Variants in CRACR2A observed in about 807,000 individuals in gnomAD.
The protein encoded by CRACR2A is calcium release activated channel regulator 2A, also known as EF-hand calcium-binding domain-containing protein 4B.
In CRACR2A, 79 loss-of-function variants were observed where a neutral mutation model predicts 90.5. The ratio of observed to expected loss-of-function variants is 0.87; its 90% CI spans 0.73 to 1.05. CRACR2A has a LOEUF of 1.05. Among genes scored for constraint, CRACR2A ranks in the 50% least tolerant of loss-of-function variants. The probability of loss-of-function intolerance (pLI) is 0.00; values close to 1 mark genes in which losing one functional copy is unlikely to be tolerated. For missense variants in CRACR2A, 823 were observed against 897.2 expected, an observed-to-expected ratio of 0.92 and a Z score of 1.06; for synonymous variants, 338 against 356.7, an observed-to-expected ratio of 0.95 and a Z score of 0.59.
chr12:3,676,547 T>C (rs925137971), intron 6 of CRACR2A, among the ~76,000 whole-genome samples: 2 of 152,200 alleles, frequency 1.3e-5, no homozygotes, highest in African/African-American at 4.8e-5. Context: ...ATGGCACTAG[T>C]GCCCTTATAA....
At chr12:3,616,085 T>C (rs1867675671) in intron 19 of CRACR2A, among the ~76,000 whole-genome samples, 1 of 152,272 alleles carries the variant, frequency 6.6e-6, no homozygotes, top group Non-Finnish European at 1.5e-5. Flanking sequence ...GTGTGATTGA[T>C]GTTCCTACCT....
Position 3,622,942 on chromosome 12 carries a change from T to G in CRACR2A, c.1933-3570A>C, listed in dbSNP as rs573862416. On this transcript the variant is annotated intron_variant, in intron 17 of 19. Transcript: ENST00000440314. The stretch of plus-strand genomic sequence containing the variant: ...CAAACTGCTATTTTTTGCACCATGC[T>G]GTACATTGTCACCAATGACAAAGAT... Among the ~76,000 whole-genome samples, 331 of 152,356 alleles carry G rather than the reference T, an allele frequency of 2.2e-3. 3 individuals are homozygous for G. Among genetic ancestry groups the G allele is most frequent in the African/African-American group, 7.6e-3 (315 of 41,582 alleles).
Position 3,740,755 on chromosome 12 carries a change from G to T in CRACR2A, c.-386-7545C>A, listed in dbSNP as rs78134047. 1.6e-3 allele frequency among the ~76,000 whole-genome samples: 238 copies of T among 152,316 alleles called. 2 individuals carry two copies. The highest frequency in any genetic ancestry group is 0.012 in the Admixed American group (182 of 15,308). On this transcript the variant is annotated intron_variant, in intron 1 of 19. Transcript: ENST00000440314. The stretch of plus-strand genomic sequence containing the variant: ...TTATGGTTATTGAGTGGGCTCTGCA[G>T]TCAAGTGCCTGGATTTGAATTCTGG...
chr12:3,696,242 G>A (rs908761864), intron 4 of CRACR2A, among the ~76,000 whole-genome samples: 3 of 152,192 alleles, frequency 2.0e-5, no homozygotes, highest in Non-Finnish European at 4.4e-5. Flanking sequence ...AAAGGCTGCC[G>A]GGCCCTGCAC....
At chr12:3,656,137 G>T (rs1347563837) in intron 9 of CRACR2A, among the ~76,000 whole-genome samples, 174 bp downstream of exon 9, 5 of 152,182 alleles carry the variant, frequency 3.3e-5, no homozygotes, top group Non-Finnish European at 7.3e-5. Flanking sequence ...AGAAGTAAAG[G>T]TTTTATGTTG....
At chr12:3,658,078 A>C (rs1048042924) in intron 8 of CRACR2A, among the ~76,000 whole-genome samples, 8 of 152,210 alleles carry the variant, frequency 5.3e-5, no homozygotes, top group African/African-American at 1.4e-4. Context: ...AGAAGGCATA[A>C]ATCTAAGCAC....
chr12:3,737,997 C>G (rs1199492885), intron 1 of CRACR2A, among the ~76,000 whole-genome samples: 1 of 152,230 alleles, frequency 6.6e-6, no homozygotes, highest in Non-Finnish European at 1.5e-5. Context: ...GGGTGGGGTG[C>G]CAGGCTGGCC....
intron 19 of CRACR2A, 142 bp from the exon 20 acceptor site, chr12:3,615,581 C>T (rs964196159): frequency 1.1e-5 from 7 of 637,750 alleles, no homozygotes; most frequent in Non-Finnish European, 1.9e-5. Flanking sequence ...CAGAGAGAGT[C>T]CTGAACATCC....
At chr12:3,630,185 C>T (rs543120336) in intron 15 of CRACR2A, among the ~76,000 whole-genome samples, 6 of 152,262 alleles carry the variant, frequency 3.9e-5, no homozygotes, top group African/African-American at 1.2e-4. Context: ...CTGGAGCATT[C>T]GACCCTCACA....
In CRACR2A at chr12:3,706,989, A is replaced by AAAAAC. The variant is rs372966964; in HGVS notation, c.-37+6243_-37+6247dup. Among the ~76,000 whole-genome samples, 390 of 152,310 alleles carry AAAAAC rather than the reference A, an allele frequency of 2.6e-3. 2 individuals carry two copies. The highest frequency in any genetic ancestry group is 8.9e-3 in the African/African-American group (368 of 41,568). On this transcript the variant is annotated intron_variant, in intron 3 of 19. Coordinates refer to ENST00000440314, the MANE Select transcript of CRACR2A (RefSeq NM_001144958.2). ...AATAAAATGAACTAATAAAAGAACG[A>AAAAAC]AAAACAAAACAAAACAAAATTACAT...
chr12:3,624,704 A>G (rs1348754770), intron 17 of CRACR2A, among the ~76,000 whole-genome samples: 1 of 152,232 alleles, frequency 6.6e-6, no homozygotes, highest in Non-Finnish European at 1.5e-5. Flanking sequence ...ATCTTCGGAA[A>G]TGACTTAGAG....
chr12:3,752,361 CACACACACAG>C (rs1453617332), intron 1 of CRACR2A, among the ~76,000 whole-genome samples: 179 of 79,216 alleles, frequency 2.3e-3, no homozygotes, highest in Non-Finnish European at 5.1e-3. Context: ...CACACGGACA[CACACACACAG>C]ACACACACAC....
intron 11 of CRACR2A, chr12:3,647,846 G>A: frequency 1.0e-6 from 1 of 985,112 alleles, no homozygotes; most frequent in African/African-American, 1.7e-5. Context: ...GTGCTCAGCA[G>A]GCAGTGACTT....
intron 4 of CRACR2A, among the ~76,000 whole-genome samples, chr12:3,681,585 A>C (rs992137313): frequency 1.3e-5 from 2 of 152,252 alleles, no homozygotes; most frequent in African/African-American, 4.8e-5. Context: ...CCAGAGAGTT[A>C]TATCTCAGCC....
At chr12:3,670,456 C>T (rs1945219566) in intron 7 of CRACR2A, among the ~76,000 whole-genome samples, 1 of 152,202 alleles carries the variant, frequency 6.6e-6, no homozygotes, top group Admixed American at 6.5e-5. Flanking sequence ...CACCTCCAAA[C>T]TCACTTTCTA....
chr12:3,650,104 T>A (rs896589677), intron 10 of CRACR2A, among the ~76,000 whole-genome samples: 4 of 152,176 alleles, frequency 2.6e-5, no homozygotes, highest in African/African-American at 9.7e-5. Context: ...CAGCTTTTCA[T>A]GTAGGGAGCA....
At chr12:3,738,259 T>A (rs1166075745) in intron 1 of CRACR2A, among the ~76,000 whole-genome samples, 1 of 152,150 alleles carries the variant, frequency 6.6e-6, no homozygotes. Context: ...AATTTTTTTT[T>A]AATTTCCAAA....
At chr12:3,749,649 G>A (rs118083353) in intron 1 of CRACR2A, among the ~76,000 whole-genome samples, 27 of 152,268 alleles carry the variant, frequency 1.8e-4, no homozygotes, top group East Asian at 1.9e-4. Context: ...GTACTTGGAC[G>A]GAACCCTTTA....
chr12:3,737,988 G>T (rs1022466125), intron 1 of CRACR2A, among the ~76,000 whole-genome samples: 14 of 152,210 alleles, frequency 9.2e-5, no homozygotes, highest in African/African-American at 3.4e-4. Flanking sequence ...TGTCCTGTGG[G>T]GTGGGGTGCC....
Sources: allele counts gnomAD v4.1 joint callset (sites outside exome capture counted in the v4.1 genomes callset), GRCh38; gene constraint gnomAD v4.1.1; transcripts MANE v1.5; gene names NCBI Gene and HGNC (gene_info 2026-07-23, HGNC 2026-07-21).